The following PTPRD variants were observed in gnomAD, a reference collection of about 807,000 sequenced individuals.
PTPRD encodes the protein protein tyrosine phosphatase receptor type D.
PTPRD carries 34 observed loss-of-function variants against 214.5 expected under a neutral mutation model. The ratio of observed to expected loss-of-function variants is 0.16; its 90% CI spans 0.12 to 0.21. The LOEUF (loss-of-function observed/expected upper bound fraction) is 0.21, where lower values mean the gene tolerates loss of function less well. Ranked by LOEUF, PTPRD falls within the 10% of genes least tolerant of loss-of-function variation. The probability of loss-of-function intolerance (pLI) is 1.00; values close to 1 mark genes in which losing one functional copy is unlikely to be tolerated. For missense variants in PTPRD, 2,545 were observed against 2,398.7 expected (o/e 1.06, Z -1.27); for synonymous variants, 1,128 against 845.7 (o/e 1.33, Z -5.79).
At chr9:8,755,827 G>A (rs2093951444) in intron 11 of PTPRD, among the ~76,000 whole-genome samples, 1 of 152,180 alleles carries the variant, frequency 6.6e-6, no homozygotes. Flanking sequence ...ATATACAGAA[G>A]GGAGAACAGT....
chr9:10,196,521 C>T (rs2099398885), intron 3 of PTPRD, among the ~76,000 whole-genome samples: 1 of 152,050 alleles, frequency 6.6e-6, no homozygotes, highest in South Asian at 2.1e-4. Context: ...CTTTTAATGC[C>T]TTATCATTTC....
At chr9:8,802,670 G>A (rs1321341809) in intron 11 of PTPRD, among the ~76,000 whole-genome samples, 18 of 152,094 alleles carry the variant, frequency 1.2e-4, no homozygotes, top group African/African-American at 4.8e-5. Context: ...GTTTTTATTC[G>A]GAAAAGGCCC....
Position 10,591,375 on chromosome 9 carries a change from G to A in PTPRD, c.-600+21023C>T, listed in dbSNP as rs73642021. ...CCTGTACTACTGGCACGTGTTTTGA[G>A]AAGACAAATGCTCTTGTGGAGCTAT... On this transcript the variant is annotated intron_variant, in intron 2 of 45. Coordinates refer to ENST00000381196, the MANE Select transcript of PTPRD (RefSeq NM_002839.4). 5.9e-3 allele frequency among the ~76,000 whole-genome samples: 905 copies of A among 152,172 alleles called. 4 individuals carry two copies. The highest frequency in any genetic ancestry group is 0.02 in the African/African-American group (844 of 41,556).
chr9:8,669,532 T>C lies in PTPRD; in HGVS notation c.65-32688A>G, dbSNP rs1565146847. 4.6e-5 allele frequency among the ~76,000 whole-genome samples: 7 copies of C among 152,130 alleles called. No homozygotes were observed. The South Asian group carries it at 1.5e-3, about 32-fold the overall frequency. On this transcript the variant is annotated intron_variant, in intron 12 of 45. Coordinates refer to ENST00000381196, the MANE Select transcript of PTPRD (RefSeq NM_002839.4). Reference sequence around the variant, plus strand: ...GTCCCTAGTATTTTCCATTCTCCCATATAAAAAGACACCAAGGTTAGTGGA... The same window carrying C: ...GTCCCTAGTATTTTCCATTCTCCCACATAAAAAGACACCAAGGTTAGTGGA...
At position 8,632,522 on chromosome 9, in the gene PTPRD, G is replaced by A. The variant is rs555917282; in HGVS notation, c.352+795C>T. 1.8e-3 allele frequency among the ~76,000 whole-genome samples: 274 copies of A among 151,944 alleles called. 4 individuals carry two copies. Among genetic ancestry groups the A allele is most frequent in the African/African-American group, 6.3e-3 (261 of 41,490 alleles). ...GTGTGAGGGAGAGAAAGAGATAAAG[G>A]CACAGAATAGTTAATCTGGAAATGT... On this transcript the variant is annotated intron_variant, in intron 14 of 45. Coordinates refer to ENST00000381196, the MANE Select transcript of PTPRD (RefSeq NM_002839.4).
chr9:9,486,142 C>G (rs1252369779), intron 8 of PTPRD, among the ~76,000 whole-genome samples: 2 of 80,090 alleles, frequency 2.5e-5, no homozygotes, highest in Admixed American at 2.0e-4. Context: ...CAGAGCAAGA[C>G]TCTCTCTCAA....
At chr9:8,991,218 CAA>C (rs575292337) in intron 11 of PTPRD, among the ~76,000 whole-genome samples, 16 of 57,392 alleles carry the variant, frequency 2.8e-4, no homozygotes, top group South Asian at 5.8e-4. Flanking sequence ...CACTCTGTCT[CAA>C]AAAAAAAAAA....
At position 8,553,981 on chromosome 9, in the gene PTPRD, G is replaced by A. The variant is rs565297136; in HGVS notation, c.353-25202C>T. Among the ~76,000 whole-genome samples the A allele has an allele frequency of 2.5e-3, 386 of 152,304 alleles. 1 individual carries two copies. Among genetic ancestry groups the A allele is most frequent in the African/African-American group, 9.0e-3 (375 of 41,558 alleles). On this transcript the variant is annotated intron_variant, in intron 14 of 45. Transcript: ENST00000381196. ...AGGTGGGCAGATCACGAGGTCAGGA[G>A]TTCGAGACTAGCCTGGCCAACATGG... is the stretch of plus-strand genomic sequence containing the variant.
chr9:8,449,561 T>A (rs1315962969), intron 34 of PTPRD, among the ~76,000 whole-genome samples, 164 bp downstream of exon 34: 1 of 152,228 alleles, frequency 6.6e-6, no homozygotes, highest in Non-Finnish European at 1.5e-5. Context: ...GAACTTAATT[T>A]CCTTTCAGAC....
rs1034670711 is a variant in PTPRD, at chr9:10,476,174, G to T, written c.-599-135157C>A. On this transcript the variant is annotated intron_variant, in intron 2 of 45. Coordinates refer to ENST00000381196, the MANE Select transcript of PTPRD (RefSeq NM_002839.4). ...GAAAGAAATAAAGGGTATTCAAATGGGAAAAGAGGAAGTCAAATTGTCTCT... is the reference window on the plus strand; with the variant it reads ...GAAAGAAATAAAGGGTATTCAAATGTGAAAAGAGGAAGTCAAATTGTCTCT... 3.9e-5 allele frequency among the ~76,000 whole-genome samples: 6 copies of T among 152,034 alleles called. No homozygotes were observed. The East Asian group carries it at 1.2e-3, about 29-fold the overall frequency.
intron 3 of PTPRD, among the ~76,000 whole-genome samples, chr9:10,269,548 G>A (rs1038463342): frequency 6.6e-6 from 1 of 152,106 alleles, no homozygotes; most frequent in Non-Finnish European, 1.5e-5. Context: ...CTCTACTGTT[G>A]CTTACACTTT....
intron 14 of PTPRD, among the ~76,000 whole-genome samples, chr9:8,615,255 G>T (rs182133390): frequency 7.2e-5 from 11 of 151,992 alleles, no homozygotes; most frequent in African/African-American, 2.4e-4. Context: ...GGGAGCCCAC[G>T]GCTCAGAGAA....
intron 7 of PTPRD, among the ~76,000 whole-genome samples, chr9:9,596,235 T>A (rs575905189): frequency 5.8e-4 from 88 of 152,116 alleles, no homozygotes; most frequent in Non-Finnish European, 9.3e-4. Flanking sequence ...AAGACATCTT[T>A]AATGAATATT....
intron 5 of PTPRD, among the ~76,000 whole-genome samples, chr9:9,928,433 T>C (rs148621863): frequency 3.9e-5 from 6 of 152,280 alleles, no homozygotes; most frequent in Non-Finnish European, 5.9e-5. Flanking sequence ...TTAAAAACTA[T>C]TGAACAATGC....
chr9:8,590,023 C>T (rs1034077686), intron 14 of PTPRD, among the ~76,000 whole-genome samples: 14 of 151,964 alleles, frequency 9.2e-5, no homozygotes, highest in African/African-American at 1.5e-4. Context: ...GGGTTATGAA[C>T]GTCGGTTTTT....
chr9:10,156,806 T>C (rs996689460), intron 3 of PTPRD, among the ~76,000 whole-genome samples: 10 of 152,164 alleles, frequency 6.6e-5, no homozygotes, highest in Non-Finnish European at 1.5e-4. Flanking sequence ...GCTTTATGAA[T>C]CTGAGTGCTC....
intron 2 of PTPRD, among the ~76,000 whole-genome samples, chr9:10,430,082 C>T (rs1364401769): frequency 1.3e-5 from 2 of 151,876 alleles, no homozygotes; most frequent in African/African-American, 2.4e-5. Context: ...TTATGTTCTC[C>T]ATAAATGCCT....
At chr9:9,209,067 C>T (rs1336198307) in intron 9 of PTPRD, among the ~76,000 whole-genome samples, 26 of 152,024 alleles carry the variant, frequency 1.7e-4, no homozygotes, top group Non-Finnish European at 7.4e-5. Context: ...CTTGGCCTCC[C>T]AAAGTGCTGG....
chr9:9,627,822 T>G (rs901075685), intron 7 of PTPRD, among the ~76,000 whole-genome samples: 1 of 152,190 alleles, frequency 6.6e-6, no homozygotes, highest in Non-Finnish European at 1.5e-5. Context: ...TTCATTAAAT[T>G]CTATGACTTG....
Sources: gnomAD v4.1 joint callset for allele counts (sites outside exome capture counted in the v4.1 genomes callset) on GRCh38, gnomAD v4.1.1 for gene constraint, MANE v1.5 for transcripts, NCBI Gene and HGNC (gene_info 2026-07-23, HGNC 2026-07-21) for gene names.